RCAN2: variants seen among roughly 807,000 people sequenced by gnomAD.
The protein encoded by RCAN2 is regulator of calcineurin 2.
Under a neutral mutation model 23.6 loss-of-function variants are expected in RCAN2, and 9 were observed. The observed-to-expected ratio is 0.38, with a 90% CI of 0.23 to 0.67. The LOEUF is 0.67. Ranked by LOEUF, RCAN2 falls within the 30% of genes least tolerant of loss-of-function variation. The pLI is 0.51. For synonymous variants in RCAN2, 109 were observed against 115.7 expected (o/e 0.94, Z 0.37); for missense variants, 273 against 302.3 (o/e 0.90, Z 0.72).
At chr6:46,288,154 C>A (rs559501290) in intron 2 of RCAN2, among the ~76,000 whole-genome samples, 3 of 152,302 alleles carry the variant, frequency 2.0e-5, no homozygotes, top group Non-Finnish European at 4.4e-5. Context: ...GAAGTTCTCA[C>A]GTTGCAGCAA....
At chr6:46,305,298 A>G (rs1194874579) in intron 2 of RCAN2, among the ~76,000 whole-genome samples, 1 of 152,088 alleles carries the variant, frequency 6.6e-6, no homozygotes, top group African/African-American at 2.4e-5. Flanking sequence ...TACCCTGGAC[A>G]GGAGGTTCTA....
chr6:46,238,133 T>C (rs1329245135), intron 4 of RCAN2, among the ~76,000 whole-genome samples: 1 of 152,198 alleles, frequency 6.6e-6, no homozygotes, highest in Non-Finnish European at 1.5e-5. Flanking sequence ...CTCATTGTTC[T>C]TGTCTTCCCC....
chr6:46,486,871 T>C (rs1769003618), intron 1 of RCAN2, among the ~76,000 whole-genome samples: 1 of 152,230 alleles, frequency 6.6e-6, no homozygotes, highest in Non-Finnish European at 1.5e-5. Context: ...AAAGTACCAT[T>C]CATGGTCACT....
chr6:46,393,397 G>A (rs1287074887), intron 2 of RCAN2, among the ~76,000 whole-genome samples: 1 of 152,164 alleles, frequency 6.6e-6, no homozygotes, highest in Non-Finnish European at 1.5e-5. Context: ...TACAATTGAA[G>A]CACTTGATGC....
chr6:46,345,567 T>A (rs750814523), intron 2 of RCAN2, among the ~76,000 whole-genome samples: 1 of 152,126 alleles, frequency 6.6e-6, no homozygotes, highest in Non-Finnish European at 1.5e-5. Context: ...GTTCTCGTCA[T>A]ATAATACAGG....
intron 2 of RCAN2, among the ~76,000 whole-genome samples, chr6:46,296,857 T>C (rs187525486): frequency 6.6e-6 from 1 of 152,130 alleles, no homozygotes; most frequent in Non-Finnish European, 1.5e-5. Flanking sequence ...AAATCTCTTC[T>C]GCTACCAGTT....
At chr6:46,324,800 C>G (rs755492810) in intron 2 of RCAN2, among the ~76,000 whole-genome samples, 8 of 152,222 alleles carry the variant, frequency 5.3e-5, no homozygotes, top group Non-Finnish European at 8.8e-5. Context: ...TATGCCTAAA[C>G]TTTATGAACA....
chr6:46,325,518 C>T, intron 2 of RCAN2: 1 of 1,612,592 alleles, frequency 6.2e-7, no homozygotes, highest in Non-Finnish European at 8.5e-7. Context: ...TAGGCAACCT[C>T]AGAGTTGGGA....
Position 46,462,800 on chromosome 6 carries a change from C to T in RCAN2, c.-2-5822G>A, listed in dbSNP as rs1768259410. On this transcript the variant is annotated intron_variant, in intron 1 of 4. Coordinates refer to ENST00000371374, the MANE Select transcript of RCAN2 (RefSeq NM_001251974.2). ...TGATTCTGCTGGATATCATTATTGT[C>T]ACAGAGTTATCAATGTGCATGAGAT... Among the ~76,000 whole-genome samples, 4 of 152,310 alleles carry T rather than the reference C, an allele frequency of 2.6e-5. No homozygotes were observed. The South Asian group carries it at 8.3e-4, about 32-fold the overall frequency.
intron 2 of RCAN2, among the ~76,000 whole-genome samples, chr6:46,451,617 G>A (rs972832858): frequency 6.6e-6 from 1 of 152,142 alleles, no homozygotes; most frequent in Non-Finnish European, 1.5e-5. Flanking sequence ...ATTTAGCTTT[G>A]AAAATCCTTT....
intron 2 of RCAN2, chr6:46,325,545 C>T: frequency 6.2e-7 from 1 of 1,601,760 alleles, no homozygotes; most frequent in Non-Finnish European, 8.5e-7. Context: ...GGAAGAGCTT[C>T]CAGATGGATA....
At chr6:46,383,752 T>C (rs1765670633) in intron 2 of RCAN2, among the ~76,000 whole-genome samples, 1 of 152,230 alleles carries the variant, frequency 6.6e-6, no homozygotes, top group South Asian at 2.1e-4. Flanking sequence ...ATGGCAAAGA[T>C]ATAGAACATT....
chr6:46,329,838 G>T (rs749473357), intron 2 of RCAN2, among the ~76,000 whole-genome samples: 1 of 152,192 alleles, frequency 6.6e-6, no homozygotes, highest in Non-Finnish European at 1.5e-5. Flanking sequence ...AGAGGCCATT[G>T]CCCTCCCTTC....
chr6:46,333,034 T>C (rs1394870284), intron 2 of RCAN2, among the ~76,000 whole-genome samples: 1 of 152,246 alleles, frequency 6.6e-6, no homozygotes, highest in Non-Finnish European at 1.5e-5. Flanking sequence ...CATTGTGGTT[T>C]TGATTTCCAT....
At chr6:46,374,945 C>T (rs1015265984) in intron 2 of RCAN2, among the ~76,000 whole-genome samples, 2 of 152,158 alleles carry the variant, frequency 1.3e-5, no homozygotes, top group South Asian at 2.1e-4. Flanking sequence ...CTTGCTCCGT[C>T]GCCCAAGCTG....
In RCAN2 at chr6:46,364,783, C is replaced by T. The variant is rs1395064406; in HGVS notation, c.225+91969G>A. Among the ~76,000 whole-genome samples, 3 of 152,106 alleles carry T rather than the reference C, an allele frequency of 2.0e-5. No individual in the cohort carries two copies. In the East Asian group the frequency reaches 5.8e-4, roughly 29 times the overall value. On this transcript the variant is annotated intron_variant, in intron 2 of 4. Transcript: ENST00000371374. ...GCTAACCTTCAGAGGAAAGGAAGGC[C>T]CCACATTCCCTGGAGTCCTTGGCAT... is the stretch of plus-strand genomic sequence containing the variant.
intron 2 of RCAN2, among the ~76,000 whole-genome samples, chr6:46,405,099 G>C (rs970668353): frequency 1.3e-5 from 2 of 152,204 alleles, no homozygotes; most frequent in African/African-American, 4.8e-5. Flanking sequence ...TGAAGCCGCG[G>C]ACCCTCGCGG....
chr6:46,341,449 T>G (rs1764314870), intron 2 of RCAN2, among the ~76,000 whole-genome samples: 1 of 152,190 alleles, frequency 6.6e-6, no homozygotes, highest in Non-Finnish European at 1.5e-5. Flanking sequence ...TTTACGAATT[T>G]GTGTTGGGCC....
chr6:46,326,402 G>A (rs1763799421), intron 2 of RCAN2, among the ~76,000 whole-genome samples: 1 of 152,152 alleles, frequency 6.6e-6, no homozygotes, highest in Admixed American at 6.5e-5. Context: ...TCAGATCCTC[G>A]GGGCTTGACT....
Sources: gnomAD v4.1 joint callset for allele counts (sites outside exome capture counted in the v4.1 genomes callset) on GRCh38, gnomAD v4.1.1 for gene constraint, MANE v1.5 for transcripts, NCBI Gene and HGNC (gene_info 2026-07-23, HGNC 2026-07-21) for gene names.